The following LRRC8B variants were observed in gnomAD, a reference collection of about 807,000 sequenced individuals.
The protein encoded by LRRC8B is leucine rich repeat containing 8 VRAC subunit B.
A neutral mutation model predicts 58.8 loss-of-function variants in LRRC8B; 23 were observed. That is an observed-to-expected ratio of 0.39 (90% confidence interval 0.28 to 0.55). The LOEUF (loss-of-function observed/expected upper bound fraction) is 0.55, where lower values mean the gene tolerates loss of function less well. Ranked by LOEUF, LRRC8B falls within the 20% of genes least tolerant of loss-of-function variation. The pLI is 0.62. For missense variants in LRRC8B, 694 were observed against 936.0 expected, an observed-to-expected ratio of 0.74 and a Z score of 3.37; for synonymous variants, 359 against 374.1, an observed-to-expected ratio of 0.96 and a Z score of 0.47.
At chr1:89,552,563 T>C (rs1651901045) in intron 1 of LRRC8B, among the ~76,000 whole-genome samples, 1 of 152,138 alleles carries the variant, frequency 6.6e-6, no homozygotes, top group Admixed American at 6.5e-5. Context: ...TAATTTACAA[T>C]AGATTAAAGG....
At chr1:89,572,004 G>T (rs1653507533) in intron 3 of LRRC8B, among the ~76,000 whole-genome samples, 1 of 152,152 alleles carries the variant, frequency 6.6e-6, no homozygotes, top group Non-Finnish European at 1.5e-5. Flanking sequence ...TGTCAGTGGG[G>T]TGTTAAAGTC....
rs1296135331 is a variant in LRRC8B at position 89,524,880 on chromosome 1, G to A, written c.-383G>A. ...CAATGGAGCCGGTCGGAGGCGGCGA[G>A]CCGGACAGCGCCGGGGCTTCCCGCT... On this transcript the variant is annotated 5_prime_UTR_variant, in exon 1 of 6. Coordinates refer to ENST00000330947, the MANE Select transcript of LRRC8B (RefSeq NM_001369817.2). 6.6e-6 allele frequency: 1 copy of A among 152,242 alleles called. No homozygotes were observed. The highest frequency in any genetic ancestry group is 1.5e-5 in the Non-Finnish European group (1 of 68,078). The allele number at this position is 152,242 out of a possible 1,614,324, so 9.4% of individuals were successfully genotyped here.
chr1:89,547,358 C>T (rs1651484616), intron 1 of LRRC8B, among the ~76,000 whole-genome samples: 1 of 151,832 alleles, frequency 6.6e-6, no homozygotes, highest in Admixed American at 6.6e-5. Context: ...TGAAATAAGA[C>T]AGAATATATC....
Position 89,583,257 on chromosome 1 carries a change from A to C in LRRC8B, c.607A>C (p.Lys203Gln), listed in dbSNP as rs1363581361. 6 of 1,614,202 alleles carry C rather than the reference A, an allele frequency of 3.7e-6. No homozygotes were observed. Among genetic ancestry groups the C allele is most frequent in the Non-Finnish European group, 5.1e-6 (6 of 1,180,024 alleles). The change falls in exon 5 of 6, where the codon AAA becomes CAA. Residue 203 changes from lysine (K) to glutamine (Q), a missense_variant. Physicochemically the swap from Lys to Gln is moderately conservative, Grantham distance 53. Coordinates refer to ENST00000330947, the MANE Select transcript of LRRC8B (RefSeq NM_001369817.2). This position sits in a 1 kb window ranked among gnomAD's most constrained non-coding sequence, Gnocchi z 5.2. ...SGCSADIDSGKQSLPYPQPGL... is the reference protein window; with the variant it reads ...SGCSADIDSGQQSLPYPQPGL... ...GTGTTCAGCTGACATAGATTCCGGC[A>C]AACAGTCATTGCCCTACCCACAGCC...
At chr1:89,557,914 G>C (rs938110469) in intron 1 of LRRC8B, among the ~76,000 whole-genome samples, 3 of 152,124 alleles carry the variant, frequency 2.0e-5, no homozygotes, top group African/African-American at 7.2e-5. Flanking sequence ...ACATGTGCAG[G>C]GTTGACTCTC....
At position 89,596,728 on chromosome 1, in the gene LRRC8B, A is replaced by C. The variant is rs567433308; in HGVS notation, c.*3685A>C. ...CACTAAATTTGATCAGCAATTGTAC[A>C]GTAACAGAATATATTTGTGCCAGAA... On this transcript the variant is annotated 3_prime_UTR_variant, in exon 6 of 6. Coordinates refer to ENST00000330947, the MANE Select transcript of LRRC8B (RefSeq NM_001369817.2). The C allele has an allele frequency of 6.6e-6, 1 of 152,182 alleles. No homozygotes were observed. Among genetic ancestry groups the C allele is most frequent in the East Asian group, 1.9e-4 (1 of 5,202 alleles). 9.4% of individuals were successfully genotyped at this position (152,182 alleles called of 1,614,324 possible).
chr1:89,528,395 T>A (rs536243987), intron 1 of LRRC8B, among the ~76,000 whole-genome samples: 1 of 152,356 alleles, frequency 6.6e-6, no homozygotes, highest in East Asian at 1.9e-4. Context: ...ACTTTCCTTA[T>A]TTTCTTCTGT....
intron 1 of LRRC8B, among the ~76,000 whole-genome samples, chr1:89,529,012 T>C (rs981076445): frequency 1.3e-5 from 2 of 152,064 alleles, no homozygotes; most frequent in Non-Finnish European, 2.9e-5. Flanking sequence ...TAAAAAAAAG[T>C]GGGAGACTCA....
rs1218643301 is a variant in LRRC8B at position 89,592,260 on chromosome 1, T to C, written c.2140-511T>C. On this transcript the variant is annotated intron_variant, in intron 5 of 5. Coordinates refer to ENST00000330947, the MANE Select transcript of LRRC8B (RefSeq NM_001369817.2). ...ATGTGCATGTATATATAATCATATT[T>C]TTTTGCTCTGCTTCTGTAGGCTTTT... Among the ~76,000 whole-genome samples the C allele has an allele frequency of 2.0e-5, 3 of 152,174 alleles. No individual in the cohort carries two copies. The East Asian group carries it at 5.8e-4, about 29-fold the overall frequency.
chr1:89,535,002 C>A (rs1650424912), intron 1 of LRRC8B, among the ~76,000 whole-genome samples: 1 of 151,944 alleles, frequency 6.6e-6, no homozygotes, highest in Admixed American at 6.6e-5. Context: ...GATTTTTACA[C>A]CCCAAGGCAA....
chr1:89,538,674 T>C (rs1045748729), intron 1 of LRRC8B, among the ~76,000 whole-genome samples: 1 of 152,216 alleles, frequency 6.6e-6, no homozygotes, highest in Non-Finnish European at 1.5e-5. Flanking sequence ...TTTCCAAAAC[T>C]AGATGCTGTT....
rs1466580866 is a variant in LRRC8B at position 89,583,654 on chromosome 1, G to A, written c.1004G>A (p.Trp335Ter). ...GGTCTGACCTCTTCCTACAGCCTGTGGTGGATGCTGAGGAGTTCCCTGAAG... is the reference window on the plus strand; with the variant it reads ...GGTCTGACCTCTTCCTACAGCCTGTAGTGGATGCTGAGGAGTTCCCTGAAG... The part of the protein sequence containing the change: ...LYGLTSSYSL[W>*]WMLRSSLKQY... The change falls in exon 5 of 6, where the codon TGG becomes TAG. Residue 335 changes from tryptophan (W) to a stop codon, truncating the protein, a stop_gained. Coordinates refer to ENST00000330947, the MANE Select transcript of LRRC8B (RefSeq NM_001369817.2). LOFTEE classifies it high-confidence loss of function. This position sits in a 1 kb window ranked among gnomAD's most constrained non-coding sequence, Gnocchi z 5.2. The A allele has an allele frequency of 6.2e-7, 1 of 1,613,538 alleles. No homozygotes were observed. The highest frequency in any genetic ancestry group is 1.7e-5 in the Admixed American group (1 of 59,994).
chr1:89,576,104 GCA>G (rs528197552), intron 3 of LRRC8B, among the ~76,000 whole-genome samples: 423 of 152,306 alleles, frequency 2.8e-3, no homozygotes, highest in African/African-American at 9.7e-3. Flanking sequence ...CTGGATGACA[GCA>G]CTATTGAAAT....
intron 1 of LRRC8B, among the ~76,000 whole-genome samples, chr1:89,540,305 T>C (rs1302471836): frequency 2.6e-5 from 4 of 152,236 alleles, no homozygotes; most frequent in African/African-American, 7.2e-5. Context: ...GTCCATTACA[T>C]TGTAGTATGA....
intron 1 of LRRC8B, among the ~76,000 whole-genome samples, chr1:89,555,916 C>A (rs1215010834): frequency 2.0e-5 from 3 of 152,158 alleles, no homozygotes; most frequent in African/African-American, 7.2e-5. Flanking sequence ...TCACAGAGCC[C>A]CATTCCTGAT....
At chr1:89,587,375 A>G (rs1239237413) in intron 5 of LRRC8B, among the ~76,000 whole-genome samples, 1 of 152,132 alleles carries the variant, frequency 6.6e-6, no homozygotes, top group African/African-American at 2.4e-5. Context: ...CTCTACTAAT[A>G]ATAAAAAAAT....
intron 3 of LRRC8B, among the ~76,000 whole-genome samples, chr1:89,575,747 A>G (rs905164302): frequency 6.6e-6 from 1 of 152,114 alleles, no homozygotes; most frequent in East Asian, 1.9e-4. Context: ...TGTGCTGGAA[A>G]CTATGTAAGA....
chr1:89,543,398 T>G lies in LRRC8B; in HGVS notation c.-241+18376T>G, dbSNP rs2100851438. Among the ~76,000 whole-genome samples, 2 of 152,294 alleles carry G rather than the reference T, an allele frequency of 1.3e-5. 1 individual carries two copies. Among genetic ancestry groups the G allele is most frequent in the South Asian group, 4.1e-4 (2 of 4,828 alleles). On this transcript the variant is annotated intron_variant, in intron 1 of 5. Transcript: ENST00000330947. ...TCTTTGATTCTTTTTCTGTTGTGCA[T>G]GAAGGTAACAAACGCCAGTGAGTGG...
In LRRC8B at chr1:89,584,350, C is replaced by T. The variant is rs371173549; in HGVS notation, c.1700C>T (p.Ser567Phe). The T allele has an allele frequency of 6.7e-5, 108 of 1,614,112 alleles. No homozygotes were observed. In the Middle Eastern group the frequency reaches 1.2e-3, roughly 17 times the overall value. ...TDLLPSLQKL[S>F]LDNEGSKLVV... is the part of the protein sequence containing the mutation. Reference sequence around the variant, plus strand: ...CTCCTGCCTTCATTGCAGAAACTGTCCCTTGATAATGAGGGAAGCAAACTG... The same window carrying T: ...CTCCTGCCTTCATTGCAGAAACTGTTCCTTGATAATGAGGGAAGCAAACTG... Residue 567 changes from serine to phenylalanine, a missense_variant, in exon 5 of 6, where the codon TCC becomes TTC. Around this residue, in one of 5 missense-constraint regions of LRRC8B, gnomAD observed 53 missense variants for 112.3 expected, o/e 0.47. Coordinates refer to ENST00000330947, the MANE Select transcript of LRRC8B (RefSeq NM_001369817.2).
Sources: allele counts gnomAD v4.1 joint callset (sites outside exome capture counted in the v4.1 genomes callset), GRCh38; gene constraint gnomAD v4.1.1; regional missense constraint gnomAD v4.1.1; non-coding constraint Gnocchi (gnomAD v3.1); transcripts MANE v1.5; gene names NCBI Gene and HGNC (gene_info 2026-07-23, HGNC 2026-07-21).